The following CDS2 variants were observed in gnomAD, a reference collection of about 807,000 sequenced individuals.
The protein encoded by CDS2 is CDP-diacylglycerol synthase 2, also known as phosphatidate cytidylyltransferase 2.
A neutral mutation model predicts 59.0 loss-of-function variants in CDS2; 47 were observed. The ratio of observed to expected loss-of-function variants is 0.80; its 90% CI spans 0.63 to 1.02. The LOEUF (loss-of-function observed/expected upper bound fraction) is 1.02, where lower values mean the gene tolerates loss of function less well. CDS2 is among the 50% of genes least tolerant of loss of function. The probability of loss-of-function intolerance (pLI) is 0.00; values close to 1 mark genes in which losing one functional copy is unlikely to be tolerated. For synonymous variants in CDS2, 207 were observed against 206.4 expected (o/e 1.00, Z -0.02); for missense variants, 356 against 558.9 (o/e 0.64, Z 3.66).
chr20:5,183,553 G>A (rs6038085), intron 7 of CDS2, among the ~76,000 whole-genome samples: 1 of 152,266 alleles, frequency 6.6e-6, no homozygotes, highest in Admixed American at 6.5e-5. Flanking sequence ...ATCAGTAACT[G>A]TAAATGAGCT....
At chr20:5,138,267 T>C (rs2090664795) in intron 1 of CDS2, among the ~76,000 whole-genome samples, 1 of 151,894 alleles carries the variant, frequency 6.6e-6, no homozygotes, top group South Asian at 2.1e-4. Context: ...GATTTTTGTA[T>C]ATGGAGAGAG....
intron 1 of CDS2, among the ~76,000 whole-genome samples, chr20:5,135,316 C>T (rs2090640224): frequency 6.6e-6 from 1 of 152,158 alleles, no homozygotes; most frequent in Admixed American, 6.5e-5. Context: ...CACACTTTTC[C>T]ATCTTTTCTA....
chr20:5,155,259 G>A (rs927554854), intron 1 of CDS2, among the ~76,000 whole-genome samples: 3 of 152,140 alleles, frequency 2.0e-5, no homozygotes, highest in African/African-American at 7.2e-5. Context: ...GTAGCTCTAA[G>A]GTTGTCTTTC....
intron 10 of CDS2, among the ~76,000 whole-genome samples, chr20:5,188,505 G>C (rs2091087466): frequency 6.6e-6 from 1 of 152,128 alleles, no homozygotes; most frequent in South Asian, 2.1e-4. Context: ...CATTAACTTA[G>C]ATATTAGAAA....
chr20:5,185,303 T>C (rs2091059459), intron 8 of CDS2, among the ~76,000 whole-genome samples: 1 of 151,988 alleles, frequency 6.6e-6, no homozygotes, highest in Non-Finnish European at 1.5e-5. Flanking sequence ...CATGCACCTG[T>C]AGTCCCAGCT....
At chr20:5,175,597 C>T in intron 3 of CDS2, 1 of 222,666 alleles carries the variant, frequency 4.5e-6, no homozygotes, top group South Asian at 5.4e-5. Flanking sequence ...ACCAGCCTGA[C>T]CAACATGGTG....
At chr20:5,173,450 T>C (rs978094626) in intron 1 of CDS2, 73 bp from the exon 2 acceptor site, 7 of 1,550,204 alleles carry the variant, frequency 4.5e-6, no homozygotes, top group Admixed American at 1.7e-5. Context: ...AGATCTCTCA[T>C]GACAGGCATA....
chr20:5,184,740 G>T lies in CDS2; in HGVS notation c.672-118G>T, dbSNP rs183825567. On this transcript the variant is annotated intron_variant, in intron 7 of 12. Transcript: ENST00000460006. This position sits in a 1 kb window ranked among gnomAD's most constrained non-coding sequence, Gnocchi z 4.3. Reference sequence around the variant, plus strand: ...TTATGTTTTTAACTTACTCCTTAATGGGTTACCAGAATTTTATGGGTGATT... The same window carrying T: ...TTATGTTTTTAACTTACTCCTTAATTGGTTACCAGAATTTTATGGGTGATT... 54 of 800,858 alleles carry T rather than the reference G, an allele frequency of 6.7e-5. No homozygotes were observed. The African/African-American group carries it at 6.8e-4, about 10-fold the overall frequency. The allele number at this position is 800,858 out of a possible 1,614,324, so 49.6% of individuals were successfully genotyped here.
rs1432237641 is a variant in CDS2, at chr20:5,188,503, T to A, written c.982-564T>A. Reference sequence around the variant, plus strand: ...AATATTTTAATGTTTTCCATTAACTTAGATATTAGAAATTTACAAAATGGG... The same window carrying A: ...AATATTTTAATGTTTTCCATTAACTAAGATATTAGAAATTTACAAAATGGG... On this transcript the variant is annotated intron_variant, in intron 10 of 12. Coordinates refer to ENST00000460006, the MANE Select transcript of CDS2 (RefSeq NM_003818.4). Among the ~76,000 whole-genome samples the A allele has an allele frequency of 2.0e-5, 3 of 152,340 alleles. No individual in the cohort carries two copies. In the East Asian group the frequency reaches 5.8e-4, roughly 29 times the overall value.
intron 1 of CDS2, among the ~76,000 whole-genome samples, chr20:5,148,650 C>G (rs2090763909): frequency 6.6e-6 from 1 of 152,226 alleles, no homozygotes; most frequent in South Asian, 2.1e-4. Flanking sequence ...TGTAGATGCC[C>G]TGCAATCCCT....
intron 1 of CDS2, among the ~76,000 whole-genome samples, chr20:5,150,367 A>G (rs2090778718): frequency 6.6e-6 from 1 of 152,238 alleles, no homozygotes; most frequent in Non-Finnish European, 1.5e-5. Flanking sequence ...GTTTGAACCC[A>G]GGTGTGCTGA....
At chr20:5,189,368 G>A (rs561380567) in intron 11 of CDS2, among the ~76,000 whole-genome samples, 182 bp downstream of exon 11, 2 of 152,124 alleles carry the variant, frequency 1.3e-5, no homozygotes, top group African/African-American at 4.8e-5. Flanking sequence ...AAATGCAATC[G>A]TTGTTTTTCA....
intron 1 of CDS2, among the ~76,000 whole-genome samples, chr20:5,152,603 C>G (rs1169819241): frequency 1.3e-5 from 2 of 152,116 alleles, no homozygotes; most frequent in Non-Finnish European, 2.9e-5. Context: ...ATTAGCCAGG[C>G]ATGGTGGCAC....
Position 5,157,141 on chromosome 20 carries a change from G to A in CDS2, c.58-16382G>A, listed in dbSNP as rs117030617. 2.7e-3 allele frequency among the ~76,000 whole-genome samples: 408 copies of A among 152,324 alleles called. 3 individuals are homozygous for A. The highest frequency in any genetic ancestry group is 4.4e-3 in the Non-Finnish European group (297 of 68,018). On this transcript the variant is annotated intron_variant, in intron 1 of 12. Coordinates refer to ENST00000460006, the MANE Select transcript of CDS2 (RefSeq NM_003818.4). ...ATGGTGGTACGCAAAGCAAGGATTGGTTGGATGCTACTGAGATGGCTGTGA... is the reference window on the plus strand; with the variant it reads ...ATGGTGGTACGCAAAGCAAGGATTGATTGGATGCTACTGAGATGGCTGTGA...
At chr20:5,182,502 G>T in intron 6 of CDS2, 57 bp downstream of exon 6, 1 of 1,484,950 alleles carries the variant, frequency 6.7e-7, no homozygotes, top group South Asian at 1.2e-5. Flanking sequence ...AGTTTTTCAG[G>T]AACTCAACAA....
At chr20:5,180,319 G>A (rs1471896976) in intron 5 of CDS2, among the ~76,000 whole-genome samples, 1 of 151,302 alleles carries the variant, frequency 6.6e-6, no homozygotes, top group Non-Finnish European at 1.5e-5. Flanking sequence ...TTTTTTTTAA[G>A]GGGAAGCAAG....
At position 5,190,281 on chromosome 20, in the gene CDS2, G is replaced by A; in HGVS notation, c.*47G>A. The A allele has an allele frequency of 6.4e-7, 1 of 1,564,974 alleles. No individual in the cohort carries two copies. On this transcript the variant is annotated 3_prime_UTR_variant, in exon 13 of 13. Transcript: ENST00000460006. ...ACAGGAACAGAACTGAGCAGGGGCA[G>A]GTCTCCAAGGCAAGCCCAGCTGGTG...
chr20:5,175,877 G>A (rs988844339), intron 3 of CDS2, among the ~76,000 whole-genome samples: 13 of 152,158 alleles, frequency 8.5e-5, no homozygotes, highest in African/African-American at 2.4e-4. Context: ...TCCTGGTTTC[G>A]TTTCCTGTTT....
Position 5,193,639 on chromosome 20 carries a change from A to G in CDS2, c.*3405A>G, listed in dbSNP as rs1268612475. 1 of 152,156 alleles carries G rather than the reference A, an allele frequency of 6.6e-6. No homozygotes were observed. Among genetic ancestry groups the G allele is most frequent in the Admixed American group, 6.5e-5 (1 of 15,278 alleles). The allele number at this position is 152,156 out of a possible 1,614,324, so 9.4% of individuals were successfully genotyped here. ...GCCCTTGTCACCTGTTTGTATGGGG[A>G]CCATGTTTCCCAAAGCTCAGGTTCA... On this transcript the variant is annotated 3_prime_UTR_variant, in exon 13 of 13. Transcript: ENST00000460006.
Sources: allele counts gnomAD v4.1 joint callset (sites outside exome capture counted in the v4.1 genomes callset), GRCh38; gene constraint gnomAD v4.1.1; non-coding constraint Gnocchi (gnomAD v3.1); transcripts MANE v1.5; gene names NCBI Gene and HGNC (gene_info 2026-07-23, HGNC 2026-07-21).